Variants in CTSB observed in about 807,000 individuals in gnomAD.
CTSB encodes cathepsin B, also known as APP secretase.
CTSB carries 57 observed loss-of-function variants against 44.3 expected under a neutral mutation model. The ratio of observed to expected loss-of-function variants is 1.29; its 90% CI spans 1.04 to 1.60. The LOEUF (loss-of-function observed/expected upper bound fraction) is 1.60, where lower values mean the gene tolerates loss of function less well. Among genes scored for constraint, CTSB ranks in the 40% most tolerant of loss-of-function variants. CTSB has a pLI of 0.00. For synonymous variants in CTSB, 320 were observed against 168.0 expected, an observed-to-expected ratio of 1.91 and a Z score of -7.00; for missense variants, 768 against 443.0, an observed-to-expected ratio of 1.73 and a Z score of -6.59.
Position 11,852,640 on chromosome 8 carries a change from G to C in CTSB, c.182C>G (p.Thr61Ser), listed in dbSNP as rs532639442. ...GGGTGGCTTGGGCCCACCCAGGAAGGTACCACATAGCCTCTTCAAGTAGCT... is the reference window on the plus strand; with the variant it reads ...GGGTGGCTTGGGCCCACCCAGGAAGCTACCACATAGCCTCTTCAAGTAGCT... ...DMSYLKRLCG[T>S]FLGGPKPPQR... Residue 61 changes from threonine to serine, a missense_variant, in exon 3 of 10, where the codon ACC (threonine) becomes AGC (serine). Coordinates refer to ENST00000353047, the MANE Select transcript of CTSB (RefSeq NM_001908.5). 1.1e-5 allele frequency: 17 copies of C among 1,613,866 alleles called. No individual in the cohort carries two copies. The highest frequency in any genetic ancestry group is 1.1e-5 in the Non-Finnish European group (13 of 1,180,018).
intron 8 of CTSB, 27 bp downstream of exon 8, chr8:11,847,025 C>CA: frequency 5.1e-6 from 6 of 1,180,750 alleles, no homozygotes; most frequent in South Asian, 1.2e-5. Flanking sequence ...CCCCCACCCT[C>CA]TATTGCCATC....
chr8:11,866,768 G>A (rs925896653), intron 1 of CTSB, among the ~76,000 whole-genome samples: 1 of 152,200 alleles, frequency 6.6e-6, no homozygotes, highest in Non-Finnish European at 1.5e-5. Flanking sequence ...GCTGAGGCAG[G>A]AGAATAGCTT....
chr8:11,866,586 A>T (rs1159630992), intron 1 of CTSB, among the ~76,000 whole-genome samples: 2 of 152,322 alleles, frequency 1.3e-5, no homozygotes. Context: ...AGCCAACAAG[A>T]AACAGTTCTT....
At position 11,845,086 on chromosome 8, in the gene CTSB, A is replaced by C. The variant is rs1009778456; in HGVS notation, c.*39T>G. ...AAGAATAAAATGCATTTCTACCCCG[A>C]TCTCGCCCCCAGGACTGGCACGACA... On this transcript the variant is annotated 3_prime_UTR_variant, in exon 10 of 10. Transcript: ENST00000353047. The C allele has an allele frequency of 1.5e-6, 2 of 1,357,308 alleles. No individual in the cohort carries two copies. Among genetic ancestry groups the C allele is most frequent in the African/African-American group, 1.4e-5 (1 of 69,774 alleles). 84.1% of individuals were successfully genotyped at this position (1,357,308 alleles called of 1,614,324 possible). A position where few individuals can be genotyped will look rare whatever the true frequency, so the allele number is the denominator to read the frequency against.
intron 1 of CTSB, among the ~76,000 whole-genome samples, chr8:11,858,187 G>A (rs921043791): frequency 6.6e-6 from 1 of 152,224 alleles, no homozygotes; most frequent in East Asian, 1.9e-4. Context: ...TCGCTCCAGC[G>A]GGCTCTGTTC....
In CTSB at chr8:11,842,804, T is replaced by A. The variant is rs1138556; in HGVS notation, c.*2321A>T. On this transcript the variant is annotated 3_prime_UTR_variant, in exon 10 of 10. Transcript: ENST00000353047. ...GGCATGTGCCAGCATGCTTGGCTAA[T>A]TTTGTATTTTTAGTAGAGATGGGGT... The A allele has an allele frequency of 1.4e-5, 2 of 147,964 alleles. No homozygotes were observed. The highest frequency in any genetic ancestry group is 5.0e-5 in the African/African-American group (2 of 39,910). 9.2% of individuals were successfully genotyped at this position (147,964 alleles called of 1,614,324 possible). A position where few individuals can be genotyped will look rare whatever the true frequency, so the allele number is the denominator to read the frequency against.
chr8:11,847,881 G>A (rs887464443), intron 6 of CTSB, 59 bp from the exon 7 acceptor site: 12 of 1,409,320 alleles, frequency 8.5e-6, no homozygotes, highest in East Asian at 2.4e-5. Context: ...AAGACCTGGG[G>A]CAAGGCAAGC....
chr8:11,859,339 A>G (rs1816015989), intron 1 of CTSB, among the ~76,000 whole-genome samples: 1 of 152,110 alleles, frequency 6.6e-6, no homozygotes, highest in African/African-American at 2.4e-5. Context: ...CAGGACAAAT[A>G]GGGACCTTGC....
rs989597050 is a variant in CTSB at position 11,848,655 on chromosome 8, G to A, written c.446+391C>T. 1.3e-5 allele frequency: 4 copies of A among 306,434 alleles called. No homozygotes were observed. In the Admixed American group the frequency reaches 1.7e-4, roughly 13 times the overall value. 19.0% of individuals were successfully genotyped at this position (306,434 alleles called of 1,614,324 possible). A position where few individuals can be genotyped will look rare whatever the true frequency, so the allele number is the denominator to read the frequency against. On this transcript the variant is annotated intron_variant, in intron 5 of 9. Coordinates refer to ENST00000353047, the MANE Select transcript of CTSB (RefSeq NM_001908.5). ...GGCGAGGCTGCAGGCAGCTGGAGCAGAAAGTTCTGTGCCACCACCTTGTTG... is the reference window on the plus strand; with the variant it reads ...GGCGAGGCTGCAGGCAGCTGGAGCAAAAAGTTCTGTGCCACCACCTTGTTG...
At chr8:11,845,823 G>C in intron 8 of CTSB, 34 bp from the exon 9 acceptor site, 1 of 1,587,542 alleles carries the variant, frequency 6.3e-7, no homozygotes, top group Non-Finnish European at 8.6e-7. Context: ...GACCGAGACC[G>C]GGCCACTGTC....
intron 1 of CTSB, among the ~76,000 whole-genome samples, chr8:11,861,886 A>T (rs1317777678): frequency 6.6e-6 from 1 of 152,226 alleles, no homozygotes; most frequent in African/African-American, 2.4e-5. Context: ...AGGGTAGTTG[A>T]GGCTGACGCG....
At chr8:11,850,560 G>T in intron 4 of CTSB, 1 of 232,440 alleles carries the variant, frequency 4.3e-6, no homozygotes, top group Non-Finnish European at 8.4e-6. Flanking sequence ...ATGCTTTCTT[G>T]AAGCAGAGTA....
At chr8:11,867,904 C>A (rs1454309941) in intron 1 of CTSB, 97 bp downstream of exon 1, 1 of 152,096 alleles carries the variant, frequency 6.6e-6, no homozygotes, top group Non-Finnish European at 1.5e-5. Flanking sequence ...CGCCTGGGCC[C>A]GACTGAGGGC....
At position 11,845,138 on chromosome 8, in the gene CTSB, C is replaced by G. The variant is rs745515581; in HGVS notation, c.1007G>C (p.Trp336Ser). 3 of 1,612,958 alleles carry G rather than the reference C, an allele frequency of 1.9e-6. No individual in the cohort carries two copies. The highest frequency in any genetic ancestry group is 4.5e-5 in the East Asian group (2 of 44,884). ...VAGIPRTDQY[W>S]EKI is the part of the protein sequence containing the mutation. ...GCCCACGGCAGATTAGATCTTTTCC[C>G]AGTACTGATCGGTGCGTGGAATTCC... Residue 336 changes from tryptophan to serine, a missense_variant, in exon 10 of 10, where the codon TGG (tryptophan) becomes TCG (serine). Physicochemically the swap from Trp to Ser is radical, Grantham distance 177. Transcript: ENST00000353047.
intron 1 of CTSB, 129 bp downstream of exon 1, chr8:11,867,872 C>T (rs918936850): frequency 3.9e-5 from 6 of 152,158 alleles, no homozygotes; most frequent in African/African-American, 1.4e-4. Context: ...CCCCGCCGGC[C>T]CCCAGGGACG....
At chr8:11,848,201 T>TA in intron 5 of CTSB, 49 bp from the exon 6 acceptor site, 1 of 1,526,572 alleles carries the variant, frequency 6.6e-7, no homozygotes, top group South Asian at 1.1e-5. Context: ...CACCACCAGC[T>TA]CTCCAGACCA....
intron 3 of CTSB, among the ~76,000 whole-genome samples, chr8:11,851,552 T>C (rs980142568): frequency 1.3e-5 from 2 of 152,184 alleles, no homozygotes; most frequent in African/African-American, 2.4e-5. Flanking sequence ...GATGAATTTA[T>C]CCACAAATTA....
At chr8:11,845,887 A>G (rs1034533913) in intron 8 of CTSB, 98 bp from the exon 9 acceptor site, 6 of 1,412,734 alleles carry the variant, frequency 4.2e-6, no homozygotes, top group Non-Finnish European at 5.6e-6. Flanking sequence ...GGAAGGAGAA[A>G]CAGCTTCCAG....
In CTSB at chr8:11,843,921, A is replaced by C. The variant is rs192509794; in HGVS notation, c.*1204T>G. On this transcript the variant is annotated 3_prime_UTR_variant, in exon 10 of 10. Transcript: ENST00000353047. ...TTGGTGAGTGCCTGTCATCCCAGCTACTCGGAAGGCTGAAGCAGGAGAATC... is the reference window on the plus strand; with the variant it reads ...TTGGTGAGTGCCTGTCATCCCAGCTCCTCGGAAGGCTGAAGCAGGAGAATC... 1 of 152,262 alleles carries C rather than the reference A, an allele frequency of 6.6e-6. No homozygotes were observed. Among genetic ancestry groups the C allele is most frequent in the Non-Finnish European group, 1.5e-5 (1 of 68,042 alleles). 9.4% of individuals were successfully genotyped at this position (152,262 alleles called of 1,614,324 possible).
Sources: allele counts gnomAD v4.1 joint callset (sites outside exome capture counted in the v4.1 genomes callset), GRCh38; gene constraint gnomAD v4.1.1; transcripts MANE v1.5; gene names NCBI Gene and HGNC (gene_info 2026-07-23, HGNC 2026-07-21).